ZSWIM2: variants seen among roughly 807,000 people sequenced by gnomAD.
ZSWIM2 encodes the protein E3 ubiquitin-protein ligase ZSWIM2.
In ZSWIM2, 38 loss-of-function variants were observed where a neutral mutation model predicts 48.4. The observed-to-expected ratio is 0.79, with a 90% CI of 0.61 to 1.03. The LOEUF (loss-of-function observed/expected upper bound fraction) is 1.03, where lower values mean the gene tolerates loss of function less well. Ranked by LOEUF, ZSWIM2 falls within the 50% of genes least tolerant of loss-of-function variation. The pLI, the probability that ZSWIM2 is intolerant of heterozygous loss-of-function variation, is 0.00. For synonymous variants in ZSWIM2, 240 were observed against 251.3 expected, an observed-to-expected ratio of 0.96 and a Z score of 0.42; for missense variants, 776 against 730.2, an observed-to-expected ratio of 1.06 and a Z score of -0.72.
chr2:186,847,686 T>A, intron 2 of ZSWIM2, 33 bp downstream of exon 2: 1 of 1,525,916 alleles, frequency 6.6e-7, no homozygotes, highest in South Asian at 1.2e-5. Context: ...AGATGTTCCT[T>A]CATGGAAGAT....
At chr2:186,833,098 T>G (rs199926767) in intron 7 of ZSWIM2, 22 bp downstream of exon 7, 1 of 1,141,192 alleles carries the variant, frequency 8.8e-7, no homozygotes, top group South Asian at 1.6e-5. Flanking sequence ...ACAACAAATA[T>G]AAAATTTACT....
At position 186,827,998 on chromosome 2, in the gene ZSWIM2, CTT is replaced by C. The variant is rs1185154977; in HGVS notation, c.1886_1887del (p.Glu629GlyfsTer11). The C allele has an allele frequency of 6.4e-7, 1 of 1,572,696 alleles. No homozygotes were observed. Among genetic ancestry groups the C allele is most frequent in the Admixed American group, 1.9e-5 (1 of 51,692 alleles). On this transcript the variant is annotated frameshift_variant, in exon 9 of 9. Coordinates refer to ENST00000295131, the MANE Select transcript of ZSWIM2 (RefSeq NM_182521.3). LOFTEE classifies it high-confidence loss of function. ...AGTAAACTTTTTCACAATTGAACTC[CTT>C]CTATTATTAAAGATAGCTCAGTACT... is the stretch of plus-strand genomic sequence containing the variant. ...TKSTELSLII[E>X]GVQL
rs1303994465 is a variant in ZSWIM2, at chr2:186,827,902, C to T, written c.*82G>A. The T allele has an allele frequency of 1.7e-6, 2 of 1,191,912 alleles. No individual in the cohort carries two copies. Among genetic ancestry groups the T allele is most frequent in the African/African-American group, 1.5e-5 (1 of 64,732 alleles). 73.8% of individuals were successfully genotyped at this position (1,191,912 alleles called of 1,614,324 possible). The stretch of plus-strand genomic sequence containing the variant: ...AACAGAGAATTTTATATACATTTGT[C>T]AAGACTATGTGTGCTTTTTATGTTC... On this transcript the variant is annotated 3_prime_UTR_variant, in exon 9 of 9. Coordinates refer to ENST00000295131, the MANE Select transcript of ZSWIM2 (RefSeq NM_182521.3).
chr2:186,836,786 T>C (rs906401720), intron 5 of ZSWIM2, among the ~76,000 whole-genome samples: 2 of 152,186 alleles, frequency 1.3e-5, no homozygotes, highest in African/African-American at 2.4e-5. Context: ...TAATAATTAC[T>C]ATGTTTTTGT....
intron 5 of ZSWIM2, among the ~76,000 whole-genome samples, chr2:186,836,338 A>G (rs1231672625): frequency 6.6e-6 from 1 of 152,112 alleles, no homozygotes; most frequent in Non-Finnish European, 1.5e-5. Context: ...TTAAAAATTT[A>G]TAAAAATTCT....
At chr2:186,839,427 T>C (rs1165057751) in intron 3 of ZSWIM2, among the ~76,000 whole-genome samples, 1 of 151,766 alleles carries the variant, frequency 6.6e-6, no homozygotes, top group Non-Finnish European at 1.5e-5. Context: ...CACTTGAATA[T>C]GATAGTGTTC....
intron 7 of ZSWIM2, among the ~76,000 whole-genome samples, chr2:186,830,670 T>C (rs1691683354): frequency 6.8e-6 from 1 of 147,892 alleles, no homozygotes. Context: ...GGGTATATTC[T>C]TACCACTTCA....
intron 7 of ZSWIM2, among the ~76,000 whole-genome samples, chr2:186,830,648 T>C (rs577660470): frequency 6.6e-6 from 1 of 151,998 alleles, no homozygotes; most frequent in African/African-American, 2.4e-5. Flanking sequence ...TAAGGAAATT[T>C]GTTTTCATCT....
chr2:186,827,927 C>A lies in ZSWIM2; in HGVS notation c.*57G>T. On this transcript the variant is annotated 3_prime_UTR_variant, in exon 9 of 9. Transcript: ENST00000295131. ...CAAGACTATGTGTGCTTTTTATGTT[C>A]TATATAAAACATTTTTTTATATTCA... The A allele has an allele frequency of 7.4e-7, 1 of 1,356,030 alleles. No individual in the cohort carries two copies. The highest frequency in any genetic ancestry group is 2.5e-5 in the East Asian group (1 of 39,916). 84.0% of individuals were successfully genotyped at this position (1,356,030 alleles called of 1,614,324 possible). A position where few individuals can be genotyped will look rare whatever the true frequency, so the allele number is the denominator to read the frequency against.
At position 186,829,810 on chromosome 2, in the gene ZSWIM2, G is replaced by C; in HGVS notation, c.1012C>G (p.Leu338Val). ...AGTAGACACTGGTAGCCTGGAGCAA[G>C]CAGCTTACTATTCTTAGTAATCAGT... Reference protein sequence around the residue: ...LQLITKNSKLLAPGYQCLLCL... With the variant: ...LQLITKNSKLVAPGYQCLLCL... The change falls in exon 8 of 9, where the codon CTT (leucine) becomes GTT (valine). Residue 338 changes from leucine to valine, a missense_variant. By Grantham distance (32) the Leu-to-Val change is conservative. Coordinates refer to ENST00000295131, the MANE Select transcript of ZSWIM2 (RefSeq NM_182521.3). 6.2e-7 allele frequency: 1 copy of C among 1,613,744 alleles called. No homozygotes were observed. The highest frequency in any genetic ancestry group is 8.5e-7 in the Non-Finnish European group (1 of 1,179,782).
intron 7 of ZSWIM2, among the ~76,000 whole-genome samples, chr2:186,831,401 T>TTA (rs55961206): frequency 1.8e-4 from 26 of 146,966 alleles, no homozygotes; most frequent in Middle Eastern, 3.6e-3. Context: ...TAAATATATA[T>TTA]TATATATATA....
chr2:186,846,516 C>T (rs1574143526), intron 2 of ZSWIM2, among the ~76,000 whole-genome samples: 1 of 151,752 alleles, frequency 6.6e-6, no homozygotes, highest in East Asian at 1.9e-4. Context: ...AAGGGGAATG[C>T]TTATATACTA....
intron 2 of ZSWIM2, 77 bp downstream of exon 2, chr2:186,847,642 A>C: frequency 9.6e-7 from 1 of 1,042,084 alleles, no homozygotes; most frequent in Non-Finnish European, 1.4e-6. Context: ...GTTGTTATTG[A>C]AACCATGACA....
At chr2:186,832,288 TTTG>T (rs1359606741) in intron 7 of ZSWIM2, among the ~76,000 whole-genome samples, 1 of 139,922 alleles carries the variant, frequency 7.1e-6, no homozygotes, top group African/African-American at 2.5e-5. Context: ...CTAATTTTTT[TTTG>T]TTTTTTTTTT....
At chr2:186,846,735 C>A (rs535635564) in intron 2 of ZSWIM2, among the ~76,000 whole-genome samples, 1 of 150,424 alleles carries the variant, frequency 6.6e-6, no homozygotes, top group South Asian at 2.1e-4. Context: ...ACCTAAGTAT[C>A]CATAATGGTG....
At chr2:186,847,310 T>C (rs1241027746) in intron 2 of ZSWIM2, among the ~76,000 whole-genome samples, 1 of 152,010 alleles carries the variant, frequency 6.6e-6, no homozygotes, top group East Asian at 1.9e-4. Context: ...TATGTATACA[T>C]GTAGAAAATG....
Position 186,833,171 on chromosome 2 carries a change from T to A in ZSWIM2, c.890A>T (p.Asp297Val), listed in dbSNP as rs371651764. ...KRADEVVKYI[D>V]TKNEIEEKMS... Reference sequence around the variant, plus strand: ...CTTTTCTTCAATCTCATTTTTAGTATCTATGTATTTTACAACTTCATCTGC... The same window carrying A: ...CTTTTCTTCAATCTCATTTTTAGTAACTATGTATTTTACAACTTCATCTGC... The change falls in exon 7 of 9, where the codon GAT becomes GTT. Residue 297 changes from aspartate to valine, a missense_variant. Asp to Val is a radical substitution (Grantham distance 152). Coordinates refer to ENST00000295131, the MANE Select transcript of ZSWIM2 (RefSeq NM_182521.3). 1 of 1,535,714 alleles carries A rather than the reference T, an allele frequency of 6.5e-7. No individual in the cohort carries two copies. The highest frequency in any genetic ancestry group is 1.4e-5 in the African/African-American group (1 of 69,776).
At chr2:186,841,492 T>TG (rs531204784) in intron 3 of ZSWIM2, among the ~76,000 whole-genome samples, 88 of 151,240 alleles carry the variant, frequency 5.8e-4, no homozygotes, top group African/African-American at 2.0e-3. Context: ...TGGCAATACA[T>TG]GGGGGGGAGA....
rs200351293 is a variant in ZSWIM2, at chr2:186,845,185, TA to T, written c.243-429del. On this transcript the variant is annotated intron_variant, in intron 2 of 8. Transcript: ENST00000295131. ...ACGCATGATATAAAAAAATTTTTTT[TA>T]AATTTTACCAATAAAATGGAATGCG... 3.6e-4 allele frequency among the ~76,000 whole-genome samples: 54 copies of T among 151,404 alleles called. No individual in the cohort carries two copies. The South Asian group carries it at 4.2e-3, about 12-fold the overall frequency.
Sources: allele counts gnomAD v4.1 joint callset (sites outside exome capture counted in the v4.1 genomes callset), GRCh38; gene constraint gnomAD v4.1.1; transcripts MANE v1.5; gene names NCBI Gene and HGNC (gene_info 2026-07-23, HGNC 2026-07-21).